The following NAA35 variants were observed in gnomAD, a reference collection of about 807,000 sequenced individuals.
The protein encoded by NAA35 is MAK10 homolog, amino-acid N-acetyltransferase subunit.
A neutral mutation model predicts 101.7 loss-of-function variants in NAA35; 18 were observed. That is an observed-to-expected ratio of 0.18 (90% confidence interval 0.12 to 0.26). NAA35 has a LOEUF of 0.26. NAA35 is among the 10% of genes least tolerant of loss of function. The probability of loss-of-function intolerance (pLI) is 1.00; values close to 1 mark genes in which losing one functional copy is unlikely to be tolerated. For missense variants in NAA35, 601 were observed against 886.8 expected, an observed-to-expected ratio of 0.68 and a Z score of 4.09; for synonymous variants, 267 against 273.1, an observed-to-expected ratio of 0.98 and a Z score of 0.22.
rs374293566 is a variant in NAA35 at position 85,989,215 on chromosome 9, G to A, written c.878-7184G>A. Among the ~76,000 whole-genome samples the A allele has an allele frequency of 1.3e-3, 192 of 152,286 alleles. 4 individuals are homozygous for A. The South Asian group carries it at 0.034, about 27-fold the overall frequency. On this transcript the variant is annotated intron_variant, in intron 11 of 22. Coordinates refer to ENST00000361671, the MANE Select transcript of NAA35 (RefSeq NM_024635.4). ...CTGCTGGGCGTGGTGGCTCACGCCT[G>A]TAATCCCAGCACTTTGGGAGGCCAA...
At chr9:85,941,879 G>C (rs1828534669) in intron 1 of NAA35, 15 of 1,142,108 alleles carry the variant, frequency 1.3e-5, no homozygotes, top group Non-Finnish European at 1.4e-5. Context: ...CCAGAGGTGA[G>C]ATGGTTTGTG....
chr9:85,949,820 A>C (rs1056466118), intron 2 of NAA35, among the ~76,000 whole-genome samples: 2 of 152,154 alleles, frequency 1.3e-5, no homozygotes, highest in African/African-American at 4.8e-5. Flanking sequence ...TTAAAAAAAA[A>C]AAAACAGTAT....
At position 86,023,069 on chromosome 9, in the gene NAA35, CT is replaced by C. The variant is rs1427290940; in HGVS notation, c.*1113del. On this transcript the variant is annotated 3_prime_UTR_variant, in exon 23 of 23. Transcript: ENST00000361671. ...ATAAAAACATGATAGTATAGTGAAA[CT>C]TTTCTGGCAGTACTTTAAAGCAGCT... 6.6e-6 allele frequency among the ~76,000 whole-genome samples: 1 copy of C among 152,090 alleles called. No homozygotes were observed. Among genetic ancestry groups the C allele is most frequent in the Non-Finnish European group, 1.5e-5 (1 of 68,032 alleles).
intron 11 of NAA35, among the ~76,000 whole-genome samples, chr9:85,993,266 A>T (rs1474435768): frequency 6.6e-6 from 1 of 152,168 alleles, no homozygotes; most frequent in Non-Finnish European, 1.5e-5. Flanking sequence ...TTTGCCTGCC[A>T]GGTTCAAATG....
intron 11 of NAA35, among the ~76,000 whole-genome samples, chr9:85,995,423 A>G (rs1185899256): frequency 6.6e-6 from 1 of 152,010 alleles, no homozygotes; most frequent in African/African-American, 2.4e-5. Flanking sequence ...AATTTATATT[A>G]GAATAAGTAA....
In NAA35 at chr9:86,016,409, C is replaced by G. The variant is rs936013708; in HGVS notation, c.1569-130C>G. 9.9e-6 allele frequency: 7 copies of G among 705,682 alleles called. No homozygotes were observed. In the South Asian group the frequency reaches 1.2e-4, roughly 12 times the overall value. 43.7% of individuals were successfully genotyped at this position (705,682 alleles called of 1,614,324 possible). A position where few individuals can be genotyped will look rare whatever the true frequency, so the allele number is the denominator to read the frequency against. On this transcript the variant is annotated intron_variant, in intron 17 of 22. Coordinates refer to ENST00000361671, the MANE Select transcript of NAA35 (RefSeq NM_024635.4). ...ATGTTCATTTCTTGTAAGATCTAAT[C>G]TATTATCTAATGAATGATCTGTTTT...
chr9:85,942,794 G>C (rs1003623527), intron 2 of NAA35, among the ~76,000 whole-genome samples: 1 of 152,068 alleles, frequency 6.6e-6, no homozygotes, highest in Non-Finnish European at 1.5e-5. Context: ...TTATCTCTTC[G>C]TAATACACAC....
chr9:86,022,535 A>G lies in NAA35; in HGVS notation c.*575A>G, dbSNP rs574191413. 3.3e-5 allele frequency among the ~76,000 whole-genome samples: 5 copies of G among 152,350 alleles called. No homozygotes were observed. Among genetic ancestry groups the G allele is most frequent in the South Asian group, 2.1e-4 (1 of 4,824 alleles). ...TATGTGTCATGACATCACAAATTAT[A>G]TATCTGTAAGAATACAGATGTGTAA... On this transcript the variant is annotated 3_prime_UTR_variant, in exon 23 of 23. Transcript: ENST00000361671.
chr9:85,949,388 A>G (rs1828911658), intron 2 of NAA35, among the ~76,000 whole-genome samples: 1 of 149,166 alleles, frequency 6.7e-6, no homozygotes, highest in African/African-American at 2.5e-5. Flanking sequence ...TCCACCTCCC[A>G]GGTTCAAGCG....
intron 2 of NAA35, among the ~76,000 whole-genome samples, chr9:85,954,517 T>C (rs1829154049): frequency 6.6e-6 from 1 of 152,244 alleles, no homozygotes. Flanking sequence ...GGATTTTTTT[T>C]TGTAGTACCC....
chr9:86,016,280 A>C (rs1587667844), intron 17 of NAA35, among the ~76,000 whole-genome samples: 1 of 152,318 alleles, frequency 6.6e-6, no homozygotes, highest in East Asian at 1.9e-4. Context: ...GTTCTGATAT[A>C]ATAAAAACTT....
rs945852970 is a variant in NAA35, at chr9:85,995,019, C to G, written c.878-1380C>G. On this transcript the variant is annotated intron_variant, in intron 11 of 22. Transcript: ENST00000361671. ...AAAATACATAACAACTATCATACAT[C>G]AGTTTTTAAAAAAGAAAAAATTATT... Among the ~76,000 whole-genome samples the G allele has an allele frequency of 2.0e-5, 3 of 152,008 alleles. No homozygotes were observed. The East Asian group carries it at 5.8e-4, about 29-fold the overall frequency.
chr9:85,980,511 T>G (rs745655644), intron 11 of NAA35, among the ~76,000 whole-genome samples: 5 of 152,188 alleles, frequency 3.3e-5, no homozygotes, highest in Non-Finnish European at 5.9e-5. Context: ...GAAGACCAAA[T>G]ATATATTTCA....
chr9:86,014,740 G>T (rs1252828955), intron 17 of NAA35, among the ~76,000 whole-genome samples: 1 of 152,158 alleles, frequency 6.6e-6, no homozygotes, highest in Admixed American at 6.5e-5. Context: ...AGCAGTGAAG[G>T]CTTTTGACAG....
intron 15 of NAA35, 128 bp from the exon 16 acceptor site, chr9:86,012,918 A>T: frequency 2.1e-6 from 1 of 467,486 alleles, no homozygotes; most frequent in Non-Finnish European, 3.6e-6. Context: ...TTAAAAGTAT[A>T]CATAGACCTA....
At chr9:85,988,659 G>A (rs1830756037) in intron 11 of NAA35, among the ~76,000 whole-genome samples, 1 of 152,082 alleles carries the variant, frequency 6.6e-6, no homozygotes, top group Non-Finnish European at 1.5e-5. Flanking sequence ...AATTAGCTGT[G>A]GTGGTGCATG....
chr9:85,977,528 C>T (rs1830267025), intron 10 of NAA35, 82 bp downstream of exon 10: 2 of 901,978 alleles, frequency 2.2e-6, no homozygotes, highest in African/African-American at 3.3e-5. Flanking sequence ...TGAAACTTCT[C>T]CCTTGAAGTG....
chr9:85,954,708 G>A (rs1829161964), intron 2 of NAA35, among the ~76,000 whole-genome samples: 1 of 152,158 alleles, frequency 6.6e-6, no homozygotes, highest in Admixed American at 6.5e-5. Flanking sequence ...TTGTGCTGAA[G>A]CTGCAGCAGT....
At chr9:86,003,517 C>T in intron 12 of NAA35, 68 bp from the exon 13 acceptor site, 1 of 840,838 alleles carries the variant, frequency 1.2e-6, no homozygotes, top group Non-Finnish European at 1.9e-6. Flanking sequence ...AAATTACAGT[C>T]TGATGAAGTG....
Sources: allele counts gnomAD v4.1 joint callset (sites outside exome capture counted in the v4.1 genomes callset), GRCh38; gene constraint gnomAD v4.1.1; transcripts MANE v1.5; gene names NCBI Gene and HGNC (gene_info 2026-07-23, HGNC 2026-07-21).